Variants in CTNNA2 observed in about 807,000 individuals in gnomAD.
CTNNA2 encodes the protein catenin alpha-2.
In CTNNA2, 42 loss-of-function variants were observed where a neutral mutation model predicts 101.0. The observed-to-expected ratio is 0.42, with a 90% confidence interval of 0.32 to 0.54. The LOEUF (loss-of-function observed/expected upper bound fraction) is 0.54, where lower values mean the gene tolerates loss of function less well. Ranked by LOEUF, CTNNA2 falls within the 20% of genes least tolerant of loss-of-function variation. The pLI, the probability that CTNNA2 is intolerant of heterozygous loss-of-function variation, is 0.14. For missense variants in CTNNA2, 871 were observed against 1,223.1 expected, an observed-to-expected ratio of 0.71 and a Z score of 4.29; for synonymous variants, 450 against 456.4, an observed-to-expected ratio of 0.99 and a Z score of 0.18.
intron 1 of CTNNA2, among the ~76,000 whole-genome samples, chr2:79,616,909 C>CTTTTTTTTTTTTT (rs1425285033): frequency 4.2e-4 from 61 of 146,412 alleles, no homozygotes; most frequent in African/African-American, 1.5e-3. Flanking sequence ...TTCTTTCTTT[C>CTTTTTTTTTTTTT]TTTTTTTTTC....
intron 2 of CTNNA2, among the ~76,000 whole-genome samples, chr2:79,703,591 TCC>T (rs1685152532): frequency 6.6e-6 from 1 of 152,242 alleles, no homozygotes; most frequent in Non-Finnish European, 1.5e-5. Context: ...TCTACTGCCT[TCC>T]AGTTAGGTAC....
chr2:80,324,598 G>A (rs1362150480), intron 7 of CTNNA2, among the ~76,000 whole-genome samples: 7 of 152,168 alleles, frequency 4.6e-5, no homozygotes, highest in African/African-American at 1.4e-4. Context: ...TCTTGGATGT[G>A]GGGGAGACTG....
At chr2:80,433,018 A>G (rs998212058) in intron 9 of CTNNA2, among the ~76,000 whole-genome samples, 1 of 152,066 alleles carries the variant, frequency 6.6e-6, no homozygotes, top group Non-Finnish European at 1.5e-5. Flanking sequence ...AGAGTACTTT[A>G]TGGATCAATA....
intron 2 of CTNNA2, chr2:79,687,417 A>C: frequency 2.0e-6 from 1 of 508,310 alleles, no homozygotes. Flanking sequence ...GGAGCAGCAA[A>C]AATCCATAAA....
At chr2:79,622,509 T>C (rs1479528175) in intron 1 of CTNNA2, among the ~76,000 whole-genome samples, 1 of 152,192 alleles carries the variant, frequency 6.6e-6, no homozygotes, top group Non-Finnish European at 1.5e-5. Context: ...ACATTCCTCT[T>C]AGCAAAAAAA....
At chr2:79,561,102 T>A (rs1426691535) in intron 1 of CTNNA2, among the ~76,000 whole-genome samples, 1 of 151,900 alleles carries the variant, frequency 6.6e-6, no homozygotes, top group Admixed American at 6.6e-5. Context: ...TTTTCTCATC[T>A]CTAGGCTTAC....
At chr2:80,534,738 T>C (rs1398558030) in intron 9 of CTNNA2, among the ~76,000 whole-genome samples, 1 of 152,098 alleles carries the variant, frequency 6.6e-6, no homozygotes, top group Admixed American at 6.6e-5. Context: ...CACTGGAAAA[T>C]TGGCAATTCA....
At chr2:79,376,640 C>G (rs1677979370) in intron 4 of CTNNA2, among the ~76,000 whole-genome samples, 1 of 152,098 alleles carries the variant, frequency 6.6e-6, no homozygotes, top group Non-Finnish European at 1.5e-5. Flanking sequence ...CTCCCCTCCC[C>G]CAACCCCACA....
intron 4 of CTNNA2, among the ~76,000 whole-genome samples, chr2:79,439,870 C>T (rs1415141141): frequency 1.3e-5 from 2 of 152,278 alleles, no homozygotes; most frequent in East Asian, 1.9e-4. Flanking sequence ...AATTTGGATG[C>T]ATGCTGGTGT....
At chr2:80,509,687 G>A (rs1688550077) in intron 9 of CTNNA2, among the ~76,000 whole-genome samples, 1 of 152,186 alleles carries the variant, frequency 6.6e-6, no homozygotes, top group South Asian at 2.1e-4. Flanking sequence ...CAGGGAAGAT[G>A]TGGTCCCCCT....
At chr2:79,275,107 A>G (rs1344782105) in intron 2 of CTNNA2, among the ~76,000 whole-genome samples, 1 of 152,092 alleles carries the variant, frequency 6.6e-6, no homozygotes, top group African/African-American at 2.4e-5. Context: ...TTCCTGAAAT[A>G]ACCCTTACAA....
chr2:80,355,542 A>G (rs954240163), intron 7 of CTNNA2, among the ~76,000 whole-genome samples: 3 of 152,154 alleles, frequency 2.0e-5, no homozygotes, highest in African/African-American at 7.2e-5. Context: ...TGTAAGAACA[A>G]TAAGCATCAT....
intron 7 of CTNNA2, among the ~76,000 whole-genome samples, chr2:80,153,712 A>AAAC (rs755880357): frequency 1.3e-5 from 2 of 152,192 alleles, no homozygotes; most frequent in African/African-American, 4.8e-5. Flanking sequence ...TAGCTAATTA[A>AAAC]AACAACAACA....
intron 3 of CTNNA2, among the ~76,000 whole-genome samples, chr2:79,754,552 G>A (rs1260094050): frequency 3.3e-5 from 5 of 152,062 alleles, no homozygotes; most frequent in East Asian, 1.9e-4. Context: ...TGTTCTTCTC[G>A]CTCCTGCAGC....
At chr2:79,340,565 G>T (rs1457439630) in intron 3 of CTNNA2, among the ~76,000 whole-genome samples, 1 of 152,132 alleles carries the variant, frequency 6.6e-6, no homozygotes, top group East Asian at 1.9e-4. Flanking sequence ...CGGGCGTGGT[G>T]GCTCACGCCT....
chr2:79,994,407 C>T (rs1692398046), intron 7 of CTNNA2, among the ~76,000 whole-genome samples: 1 of 152,134 alleles, frequency 6.6e-6, no homozygotes, highest in South Asian at 2.1e-4. Context: ...CCTCTTTTCC[C>T]CCAGCTCATA....
intron 2 of CTNNA2, among the ~76,000 whole-genome samples, chr2:79,727,259 A>G (rs1000388939): frequency 5.9e-5 from 9 of 152,216 alleles, no homozygotes; most frequent in Non-Finnish European, 1.5e-5. Context: ...AAAGCTTGTT[A>G]AAAACACATG....
intron 7 of CTNNA2, among the ~76,000 whole-genome samples, chr2:80,221,010 T>C (rs1168375869): frequency 1.3e-5 from 2 of 152,084 alleles, no homozygotes; most frequent in African/African-American, 4.8e-5. Context: ...GCCTCCCAAG[T>C]AGCTAGGATT....
intron 7 of CTNNA2, among the ~76,000 whole-genome samples, chr2:80,376,038 A>G (rs1411179641): frequency 6.6e-6 from 1 of 152,162 alleles, no homozygotes; most frequent in Non-Finnish European, 1.5e-5. Flanking sequence ...CACAGCACAC[A>G]GAAGCTCCAG....
Sources: allele counts gnomAD v4.1 joint callset (sites outside exome capture counted in the v4.1 genomes callset), GRCh38; gene constraint gnomAD v4.1.1; transcripts MANE v1.5; gene names NCBI Gene and HGNC (gene_info 2026-07-23, HGNC 2026-07-21).